The following BMPR1A variants were observed in gnomAD, a reference collection of about 807,000 sequenced individuals.
The protein encoded by BMPR1A is bone morphogenetic protein receptor type 1A.
A neutral mutation model predicts 66.0 loss-of-function variants in BMPR1A; 7 were observed. The observed-to-expected ratio is 0.11, with a 90% CI of 0.06 to 0.20. The LOEUF (loss-of-function observed/expected upper bound fraction) is 0.20, where lower values mean the gene tolerates loss of function less well. Ranked by LOEUF, BMPR1A falls within the 10% of genes least tolerant of loss-of-function variation. The pLI is 1.00. For synonymous variants in BMPR1A, 200 were observed against 229.7 expected (o/e 0.87, Z 1.17); for missense variants, 408 against 669.1 (o/e 0.61, Z 4.31).
At chr10:86,892,337 A>G (rs900946136) in intron 5 of BMPR1A, 108 bp downstream of exon 5, 3 of 800,310 alleles carry the variant, frequency 3.7e-6, no homozygotes, top group Non-Finnish European at 6.4e-6. Context: ...GTATGTTCAC[A>G]TCAGTAAATA....
At chr10:86,852,080 C>T (rs1402869403) in intron 2 of BMPR1A, among the ~76,000 whole-genome samples, 3 of 150,402 alleles carry the variant, frequency 2.0e-5, no homozygotes, top group African/African-American at 7.4e-5. Context: ...CAAGACCTTG[C>T]CTTTAAAAAA....
chr10:86,786,670 C>T (rs1309603659), intron 1 of BMPR1A, among the ~76,000 whole-genome samples: 1 of 152,156 alleles, frequency 6.6e-6, no homozygotes, highest in African/African-American at 2.4e-5. Context: ...GCTTTGAAAC[C>T]CTCTTTGTTT....
In BMPR1A at chr10:86,924,659, T is replaced by C. The variant is rs1051542866; in HGVS notation, c.*940T>C. 3 of 233,126 alleles carry C rather than the reference T, an allele frequency of 1.3e-5. No homozygotes were observed. The highest frequency in any genetic ancestry group is 6.6e-5 in the African/African-American group (3 of 45,364). The allele number at this position is 233,126 out of a possible 1,614,324, so 14.4% of individuals were successfully genotyped here. On this transcript the variant is annotated 3_prime_UTR_variant, in exon 13 of 13. Coordinates refer to ENST00000372037, the MANE Select transcript of BMPR1A (RefSeq NM_004329.3). ...ATAGCAATGTAAGTGCCTATAACCA[T>C]GTTCTATATTCTTTATTCTCAGTAA... is the stretch of plus-strand genomic sequence containing the variant.
intron 7 of BMPR1A, among the ~76,000 whole-genome samples, 163 bp downstream of exon 7, chr10:86,900,289 CAATT>C (rs1303379775): frequency 6.6e-6 from 1 of 152,122 alleles, no homozygotes; most frequent in Non-Finnish European, 1.5e-5. Flanking sequence ...ACCTTACTAC[CAATT>C]AATTAATTGG....
At chr10:86,917,438 T>A in intron 9 of BMPR1A, 112 bp downstream of exon 9, 1 of 1,308,888 alleles carries the variant, frequency 7.6e-7, no homozygotes, top group Non-Finnish European at 1.1e-6. Flanking sequence ...TACATTTGGC[T>A]AAAGGAAACC....
At chr10:86,839,223 A>C (rs888323498) in intron 2 of BMPR1A, among the ~76,000 whole-genome samples, 1 of 152,106 alleles carries the variant, frequency 6.6e-6, no homozygotes, top group African/African-American at 2.4e-5. Context: ...CTTACTAATC[A>C]CTTTCATAAA....
chr10:86,906,868 C>A (rs955173972), intron 7 of BMPR1A, among the ~76,000 whole-genome samples: 2 of 150,696 alleles, frequency 1.3e-5, no homozygotes, highest in African/African-American at 4.9e-5. Context: ...GTTTTTCTCA[C>A]TTGTTTTTTC....
At chr10:86,825,971 T>A (rs944445919) in intron 1 of BMPR1A, among the ~76,000 whole-genome samples, 2 of 152,204 alleles carry the variant, frequency 1.3e-5, no homozygotes, top group Admixed American at 6.5e-5. Context: ...TATTTGCAAA[T>A]TGTTAAAAAT....
intron 5 of BMPR1A, among the ~76,000 whole-genome samples, chr10:86,897,660 G>A (rs1843243911): frequency 2.6e-5 from 4 of 152,132 alleles, no homozygotes; most frequent in Admixed American, 2.6e-4. Flanking sequence ...AGGCTGGAGT[G>A]CAGTGGTGCA....
chr10:86,920,989 G>A (rs1035812225), intron 10 of BMPR1A, among the ~76,000 whole-genome samples: 1 of 151,174 alleles, frequency 6.6e-6, no homozygotes, highest in Non-Finnish European at 1.5e-5. Flanking sequence ...CCAAGTAGCT[G>A]GAATTATAGT....
chr10:86,880,511 C>A (rs547734047), intron 3 of BMPR1A, among the ~76,000 whole-genome samples: 3 of 152,280 alleles, frequency 2.0e-5, no homozygotes, highest in South Asian at 4.1e-4. Flanking sequence ...GTTTACTCTT[C>A]TAGTCACCCA....
chr10:86,916,383 T>G lies in BMPR1A; in HGVS notation c.676-751T>G, dbSNP rs1018612659. Reference sequence around the variant, plus strand: ...TTTGTTGGACTTGCTTAGCTAGAGCTAGGTGGTGTAGTTCACACCCTTGGC... The same window carrying G: ...TTTGTTGGACTTGCTTAGCTAGAGCGAGGTGGTGTAGTTCACACCCTTGGC... On this transcript the variant is annotated intron_variant, in intron 8 of 12. Transcript: ENST00000372037. Among the ~76,000 whole-genome samples, 4 of 152,384 alleles carry G rather than the reference T, an allele frequency of 2.6e-5. No individual in the cohort carries two copies. In the East Asian group the frequency reaches 7.7e-4, roughly 29 times the overall value.
chr10:86,912,113 A>T (rs909883464), intron 7 of BMPR1A, 127 bp from the exon 8 acceptor site: 13 of 1,006,358 alleles, frequency 1.3e-5, no homozygotes, highest in African/African-American at 4.9e-5. Context: ...ATATTATCCA[A>T]TGATAAGACT....
rs543947153 is a variant in BMPR1A at position 86,850,252 on chromosome 10, C to T, written c.-153+11273C>T. 4.6e-5 allele frequency among the ~76,000 whole-genome samples: 7 copies of T among 151,150 alleles called. No homozygotes were observed. The East Asian group carries it at 9.8e-4, about 21-fold the overall frequency. On this transcript the variant is annotated intron_variant, in intron 2 of 12. Coordinates refer to ENST00000372037, the MANE Select transcript of BMPR1A (RefSeq NM_004329.3). The stretch of plus-strand genomic sequence containing the variant: ...AGGAGAATGGCTTGAACCTGGGAAG[C>T]GGAGGTTGCAGTGAGCTGAGATAGC...
chr10:86,905,465 C>G (rs1843371721), intron 7 of BMPR1A, among the ~76,000 whole-genome samples: 1 of 152,318 alleles, frequency 6.6e-6, no homozygotes, highest in Non-Finnish European at 1.5e-5. Flanking sequence ...CAACAGGAAT[C>G]TCATTGGTAA....
At chr10:86,779,306 A>G (rs1200384907) in intron 1 of BMPR1A, among the ~76,000 whole-genome samples, 2 of 151,622 alleles carry the variant, frequency 1.3e-5, no homozygotes, top group Non-Finnish European at 2.9e-5. Context: ...ATTTGAGGAA[A>G]CTCTGTACTG....
chr10:86,780,711 G>T (rs571296547), intron 1 of BMPR1A, among the ~76,000 whole-genome samples: 7 of 152,174 alleles, frequency 4.6e-5, no homozygotes, highest in Non-Finnish European at 1.0e-4. Flanking sequence ...GGGATTACAG[G>T]CGTGAGCGTG....
At chr10:86,905,503 T>A (rs1025865462) in intron 7 of BMPR1A, among the ~76,000 whole-genome samples, 59 of 152,340 alleles carry the variant, frequency 3.9e-4, no homozygotes, top group African/African-American at 1.4e-3. Flanking sequence ...TTAATATTGA[T>A]GATCAACTGG....
chr10:86,790,188 A>AATAT (rs1228412063), intron 1 of BMPR1A, among the ~76,000 whole-genome samples: 91 of 20,154 alleles, frequency 4.5e-3, no homozygotes, highest in African/African-American at 6.8e-3. Flanking sequence ...AAAAAAAAAA[A>AATAT]ATATATATAT....
Sources: gnomAD v4.1 joint callset for allele counts (sites outside exome capture counted in the v4.1 genomes callset) on GRCh38, gnomAD v4.1.1 for gene constraint, MANE v1.5 for transcripts, NCBI Gene and HGNC (gene_info 2026-07-23, HGNC 2026-07-21) for gene names.